CADM1: variants seen among roughly 807,000 people sequenced by gnomAD.
The protein encoded by CADM1 is TSLC-1.
CADM1 carries 15 observed loss-of-function variants against 53.1 expected under a neutral mutation model. The ratio of observed to expected loss-of-function variants is 0.28; its 90% CI spans 0.19 to 0.44. CADM1 has a LOEUF of 0.44. Ranked by LOEUF, CADM1 falls within the 20% of genes least tolerant of loss-of-function variation. The probability of loss-of-function intolerance (pLI) is 1.00; values close to 1 mark genes in which losing one functional copy is unlikely to be tolerated. For missense variants in CADM1, 434 were observed against 611.3 expected (o/e 0.71, Z 3.06); for synonymous variants, 281 against 243.0 (o/e 1.16, Z -1.45).
intron 7 of CADM1, among the ~76,000 whole-genome samples, chr11:115,214,061 C>A (rs75546849): frequency 2.9e-5 from 2 of 68,324 alleles, no homozygotes; most frequent in Non-Finnish European, 5.1e-5. Flanking sequence ...ATTAAAAAAA[C>A]AGACACATTT....
At chr11:115,243,281 C>A (rs1222282703) in intron 1 of CADM1, among the ~76,000 whole-genome samples, 2 of 152,178 alleles carry the variant, frequency 1.3e-5, no homozygotes, top group Non-Finnish European at 2.9e-5. Flanking sequence ...TAAGGCTAAC[C>A]TAAAATCCAG....
At chr11:115,282,073 C>T (rs971544704) in intron 1 of CADM1, among the ~76,000 whole-genome samples, 2 of 152,074 alleles carry the variant, frequency 1.3e-5, no homozygotes, top group African/African-American at 4.8e-5. Flanking sequence ...CAGTTCCTTG[C>T]TTTATTATTT....
intron 1 of CADM1, among the ~76,000 whole-genome samples, chr11:115,326,119 G>C (rs1944952670): frequency 6.6e-6 from 1 of 152,062 alleles, no homozygotes; most frequent in African/African-American, 2.4e-5. Context: ...TTAGCCCTAA[G>C]CAAAACTACA....
rs144941853 is a variant in CADM1 at position 115,357,465 on chromosome 11, CA to C, written c.125-117046del. On this transcript the variant is annotated intron_variant, in intron 1 of 11. Transcript: ENST00000331581. ...CCTGTCACAGCTTTAAAAATCTATA[CA>C]GGCCATAAGGAGATGCCAAAGGGTC... is the stretch of plus-strand genomic sequence containing the variant. Among the ~76,000 whole-genome samples, 473 of 152,278 alleles carry C rather than the reference CA, an allele frequency of 3.1e-3. 5 individuals carry two copies. In the East Asian group the frequency reaches 0.042, roughly 14 times the overall value.
intron 1 of CADM1, among the ~76,000 whole-genome samples, chr11:115,440,412 T>C (rs17523342): frequency 0.13 from 19,164 of 152,256 alleles, 1,595 homozygotes; most frequent in Non-Finnish European, 0.18. Flanking sequence ...TAGCACATGA[T>C]AGATGGTCAC....
At position 115,466,947 on chromosome 11, in the gene CADM1, A is replaced by G. The variant is rs112536653; in HGVS notation, c.124+37324T>C. Among the ~76,000 whole-genome samples the G allele has an allele frequency of 2.5e-3, 379 of 152,336 alleles. 1 individual carries two copies. The highest frequency in any genetic ancestry group is 8.4e-3 in the African/African-American group (351 of 41,578). On this transcript the variant is annotated intron_variant, in intron 1 of 11. Transcript: ENST00000331581. ...CTGTGAGTACATCACTTACCAGCCA[A>G]CATTGACTCGTCCTTTCCACAAATC...
At chr11:115,334,211 G>A (rs1346727417) in intron 1 of CADM1, among the ~76,000 whole-genome samples, 1 of 152,144 alleles carries the variant, frequency 6.6e-6, no homozygotes, top group Non-Finnish European at 1.5e-5. Flanking sequence ...CTACAGTGAT[G>A]TAGTATTTAA....
At chr11:115,487,003 C>T (rs7925128) in intron 1 of CADM1, among the ~76,000 whole-genome samples, 4 of 152,040 alleles carry the variant, frequency 2.6e-5, no homozygotes, top group East Asian at 1.9e-4. Flanking sequence ...AAGGAGAATA[C>T]GAAGAGAGGA....
At chr11:115,401,152 GTA>G (rs982310157) in intron 1 of CADM1, among the ~76,000 whole-genome samples, 4 of 152,176 alleles carry the variant, frequency 2.6e-5, no homozygotes, top group South Asian at 2.1e-4. Flanking sequence ...CAATAGAATA[GTA>G]TTCAGCGTTA....
chr11:115,205,826 T>C (rs1940648752), intron 8 of CADM1, among the ~76,000 whole-genome samples: 2 of 152,178 alleles, frequency 1.3e-5, no homozygotes, highest in South Asian at 2.1e-4. Context: ...AAAACTGTTT[T>C]ATAGTTGGAA....
At chr11:115,413,417 A>T (rs1401903715) in intron 1 of CADM1, among the ~76,000 whole-genome samples, 1 of 152,174 alleles carries the variant, frequency 6.6e-6, no homozygotes, top group Non-Finnish European at 1.5e-5. Flanking sequence ...TCAAATCACA[A>T]TAACTCCTAA....
At chr11:115,496,983 G>A (rs898311187) in intron 1 of CADM1, among the ~76,000 whole-genome samples, 2 of 152,174 alleles carry the variant, frequency 1.3e-5, no homozygotes, top group Admixed American at 1.3e-4. Context: ...GACAATGGGA[G>A]TCAGGGAACT....
intron 1 of CADM1, among the ~76,000 whole-genome samples, chr11:115,366,176 C>G (rs571609004): frequency 6.6e-6 from 1 of 152,164 alleles, no homozygotes; most frequent in South Asian, 2.1e-4. Flanking sequence ...ATATAATGCA[C>G]GCACATTTGG....
At chr11:115,432,340 C>A (rs1229063334) in intron 1 of CADM1, among the ~76,000 whole-genome samples, 1 of 152,184 alleles carries the variant, frequency 6.6e-6, no homozygotes, top group Non-Finnish European at 1.5e-5. Context: ...TCCCACAAGT[C>A]TTTCCCTCCC....
At chr11:115,270,588 G>A (rs1943269819) in intron 1 of CADM1, among the ~76,000 whole-genome samples, 1 of 152,062 alleles carries the variant, frequency 6.6e-6, no homozygotes, top group African/African-American at 2.4e-5. Context: ...TGACTGGATA[G>A]CTGATGGCCC....
chr11:115,475,246 CA>C (rs1268964203), intron 1 of CADM1, among the ~76,000 whole-genome samples: 2 of 152,032 alleles, frequency 1.3e-5, no homozygotes, highest in African/African-American at 4.8e-5. Context: ...TTATTTGTAT[CA>C]TTTTTTATTG....
intron 1 of CADM1, among the ~76,000 whole-genome samples, chr11:115,244,060 C>T (rs928831529): frequency 1.3e-5 from 2 of 152,226 alleles, no homozygotes; most frequent in Non-Finnish European, 1.5e-5. Context: ...TTCCCTATAA[C>T]TCCCCGATTT....
intron 1 of CADM1, among the ~76,000 whole-genome samples, chr11:115,263,256 G>C (rs762501290): frequency 6.6e-6 from 1 of 152,172 alleles, no homozygotes; most frequent in South Asian, 2.1e-4. Flanking sequence ...ATTGGAATTG[G>C]AGTCACTGAC....
chr11:115,235,446 C>T (rs775383451), intron 3 of CADM1, among the ~76,000 whole-genome samples: 2 of 152,116 alleles, frequency 1.3e-5, no homozygotes, highest in Non-Finnish European at 2.9e-5. Flanking sequence ...GTAAAAACTG[C>T]CTGCAGCCAT....
Sources: allele counts gnomAD v4.1 joint callset (sites outside exome capture counted in the v4.1 genomes callset), GRCh38; gene constraint gnomAD v4.1.1; transcripts MANE v1.5; gene names NCBI Gene and HGNC (gene_info 2026-07-23, HGNC 2026-07-21).